The following FBH1 variants were observed in gnomAD, a reference collection of about 807,000 sequenced individuals.
FBH1 encodes the protein F-box DNA helicase 1, also known as DNA 3'-5' helicase 1.
A neutral mutation model predicts 115.5 loss-of-function variants in FBH1; 43 were observed. The observed-to-expected ratio is 0.37, with a 90% confidence interval of 0.29 to 0.48. The LOEUF (loss-of-function observed/expected upper bound fraction) is 0.48, where lower values mean the gene tolerates loss of function less well. Ranked by LOEUF, FBH1 falls within the 20% of genes least tolerant of loss-of-function variation. The pLI, the probability that FBH1 is intolerant of heterozygous loss-of-function variation, is 0.99. For synonymous variants in FBH1, 524 were observed against 507.8 expected, an observed-to-expected ratio of 1.03 and a Z score of -0.43; for missense variants, 1,001 against 1,337.3, an observed-to-expected ratio of 0.75 and a Z score of 3.92.
rs1266530936 is a variant in FBH1 at position 5,931,002 on chromosome 10, A to C, written c.2829+3461A>C. ...GGTCTTGAACTCCTGGGCTTAAGTG[A>C]TCCTCCTACCTCAGCCTCCCAAAGT... On this transcript the variant is annotated intron_variant, in intron 19 of 20. Transcript: ENST00000362091. This position sits in a 1 kb window ranked among gnomAD's most constrained non-coding sequence, Gnocchi z 4.3. Among the ~76,000 whole-genome samples the C allele has an allele frequency of 6.6e-6, 1 of 151,946 alleles. No individual in the cohort carries two copies. The highest frequency in any genetic ancestry group is 1.5e-5 in the Non-Finnish European group (1 of 67,984).
chr10:5,889,966 C>G (rs1454416146), upstream of FBH1: 7 of 193,730 alleles, frequency 3.6e-5, no homozygotes, highest in East Asian at 5.8e-4. Flanking sequence ...CGCTGCTCCG[C>G]GGGGACTCGG....
In FBH1 at chr10:5,900,226, G is replaced by T. The variant is rs1338037375; in HGVS notation, c.2-2794G>T. Among the ~76,000 whole-genome samples, 1 of 152,244 alleles carries T rather than the reference G, an allele frequency of 6.6e-6. No individual in the cohort carries two copies. The highest frequency in any genetic ancestry group is 2.4e-5 in the African/African-American group (1 of 41,458). ...CTCACATAAGCCTTGTTAAATAGAG[G>T]AAACAGGTAAGTTTGTATGCATGCA... is the stretch of plus-strand genomic sequence containing the variant. On this transcript the variant is annotated intron_variant, in intron 1 of 20. Transcript: ENST00000362091. This position sits in a 1 kb window ranked among gnomAD's most constrained non-coding sequence, Gnocchi z 4.2.
At position 5,911,247 on chromosome 10, in the gene FBH1, G is replaced by A; in HGVS notation, c.1211+119G>A. The A allele has an allele frequency of 3.1e-6, 3 of 954,860 alleles. No individual in the cohort carries two copies. Among genetic ancestry groups the A allele is most frequent in the Non-Finnish European group, 4.7e-6 (3 of 645,136 alleles). 59.1% of individuals were successfully genotyped at this position (954,860 alleles called of 1,614,324 possible). A position where few individuals can be genotyped will look rare whatever the true frequency, so the allele number is the denominator to read the frequency against. ...ACCTGGCAGGCTGTGGGACCCACCT[G>A]CTCCACCTCAGTGTCATCTTCTGCA... On this transcript the variant is annotated intron_variant, in intron 6 of 20. Transcript: ENST00000362091. The surrounding 1 kb of genome is among the most constrained non-coding windows in gnomAD (Gnocchi z 5.4).
intron 1 of FBH1, among the ~76,000 whole-genome samples, chr10:5,899,544 C>T (rs1843213216): frequency 6.6e-6 from 1 of 152,188 alleles, no homozygotes; most frequent in Non-Finnish European, 1.5e-5. Flanking sequence ...TACTGACCAG[C>T]TCTGAAGCAA....
In FBH1 at chr10:5,923,680, G is replaced by A. The variant is rs775610951; in HGVS notation, c.2382G>A (p.Glu794=). The change falls in exon 16 of 21, where the codon GAG becomes GAA. Residue 794 remains glutamate (E), a synonymous_variant. Transcript: ENST00000362091. The surrounding 1 kb of genome is among the most constrained non-coding windows in gnomAD (Gnocchi z 5.7). The part of the protein sequence containing the change: ...IIDIWILLQP[E]EERRKQNLVI... The stretch of plus-strand genomic sequence containing the variant: ...ATATTTGGATCCTTCTTCAGCCAGA[G>A]GAAGAACGGAGGAAACGTGAGTACC... The A allele has an allele frequency of 1.9e-6, 3 of 1,614,162 alleles. No individual in the cohort carries two copies. The highest frequency in any genetic ancestry group is 2.5e-6 in the Non-Finnish European group (3 of 1,180,002).
At position 5,911,149 on chromosome 10, in the gene FBH1, G is replaced by A. The variant is rs746496017; in HGVS notation, c.1211+21G>A. 1 of 1,598,072 alleles carries A rather than the reference G, an allele frequency of 6.3e-7. No individual in the cohort carries two copies. The highest frequency in any genetic ancestry group is 1.1e-5 in the South Asian group (1 of 89,660). The stretch of plus-strand genomic sequence containing the variant: ...AATAGGTAATGCCCCGGGAGGAGGG[G>A]AGGGGATGCTGTGATAATGGGAGAG... On this transcript the variant is annotated intron_variant, in intron 6 of 20. Coordinates refer to ENST00000362091, the MANE Select transcript of FBH1 (RefSeq NM_178150.3). The surrounding 1 kb of genome is among the most constrained non-coding windows in gnomAD (Gnocchi z 5.4).
At position 5,927,428 on chromosome 10, in the gene FBH1, T is replaced by C. The variant is rs1385141454; in HGVS notation, c.2723-7T>C. The C allele has an allele frequency of 6.2e-6, 10 of 1,601,598 alleles. No homozygotes were observed. Among genetic ancestry groups the C allele is most frequent in the African/African-American group, 4.0e-5 (3 of 74,294 alleles). ...TAGTTGATTTTTTTCCCCTTTACTT[T>C]GTTTAGAGTCATTTTCTGAGGATGA... On this transcript the variant is annotated splice_region_variant and splice_polypyrimidine_tract_variant and intron_variant, in intron 18 of 20. Transcript: ENST00000362091.
rs1057250951 is a variant in FBH1 at position 5,933,816 on chromosome 10, T to G, written c.2830-2640T>G. Among the ~76,000 whole-genome samples, 13 of 152,204 alleles carry G rather than the reference T, an allele frequency of 8.5e-5. No individual in the cohort carries two copies. Among genetic ancestry groups the G allele is most frequent in the African/African-American group, 3.1e-4 (13 of 41,536 alleles). On this transcript the variant is annotated intron_variant, in intron 19 of 20. Coordinates refer to ENST00000362091, the MANE Select transcript of FBH1 (RefSeq NM_178150.3). This position sits in a 1 kb window ranked among gnomAD's most constrained non-coding sequence, Gnocchi z 4.9. ...CACCACCATACCTGGCTAATTTTTT[T>G]TGGTATTTTTTTTTTGTTAAAGACG...
intron 1 of FBH1, among the ~76,000 whole-genome samples, chr10:5,893,441 A>G (rs1347305019): frequency 2.0e-5 from 3 of 152,218 alleles, no homozygotes; most frequent in Admixed American, 2.0e-4. Flanking sequence ...CTGTGGCTCC[A>G]AATTCCTTTT....
rs1210575211 is a variant in FBH1, at chr10:5,897,635, A to C, written c.2-5385A>C. ...TGGCTGGTAACGCCATTCCAGTTAT[A>C]TAGGTTACTTATCTTAGTGCACAGA... On this transcript the variant is annotated intron_variant, in intron 1 of 20. Coordinates refer to ENST00000362091, the MANE Select transcript of FBH1 (RefSeq NM_178150.3). This position sits in a 1 kb window ranked among gnomAD's most constrained non-coding sequence, Gnocchi z 4.7. Among the ~76,000 whole-genome samples, 8 of 152,214 alleles carry C rather than the reference A, an allele frequency of 5.3e-5. No homozygotes were observed. The highest frequency in any genetic ancestry group is 1.0e-4 in the Non-Finnish European group (7 of 68,042).
Position 5,903,035 on chromosome 10 carries a change from G to A in FBH1, c.17G>A (p.Arg6Gln), listed in dbSNP as rs142553018. 7.5e-5 allele frequency: 121 copies of A among 1,611,712 alleles called. No individual in the cohort carries two copies. The highest frequency in any genetic ancestry group is 5.4e-4 in the Admixed American group (32 of 59,682). The change falls in exon 2 of 21, where the codon CGG (arginine) becomes CAG (glutamine). Residue 6 changes from arginine to glutamine, a missense_variant. Physicochemically the swap from Arg to Gln is conservative, Grantham distance 43 (BLOSUM62 1). Transcript: ENST00000362091. MRRFK[R>Q]KHLTAIDCQH... is the part of the protein sequence containing the mutation. ...TATGAAACAGTGAGACGGTTTAAGC[G>A]GAAGCATCTTACTGCCATTGACTGC...
Position 5,936,638 on chromosome 10 carries a change from G to C in FBH1, c.2961+51G>C, listed in dbSNP as rs577208412. 351 of 1,604,398 alleles carry C rather than the reference G, an allele frequency of 2.2e-4. 3 individuals carry two copies. The South Asian group carries it at 3.5e-3, about 16-fold the overall frequency. On this transcript the variant is annotated intron_variant, in intron 20 of 20. Transcript: ENST00000362091. This position sits in a 1 kb window ranked among gnomAD's most constrained non-coding sequence, Gnocchi z 5.6. ...ATTCAGCCATTTGCATTTTTTGCTT[G>C]TGAGCTCTGTGCTTATCTGGGTTGT...
intron 3 of FBH1, among the ~76,000 whole-genome samples, chr10:5,907,123 C>T (rs950262310): frequency 9.9e-5 from 15 of 151,960 alleles, no homozygotes; most frequent in East Asian, 1.9e-4. Context: ...CCACCACACC[C>T]GGCTAATTTT....
At chr10:5,908,274 A>G (rs116502447) in intron 3 of FBH1, among the ~76,000 whole-genome samples, 1,797 of 152,246 alleles carry the variant, frequency 0.012, 38 homozygotes, top group African/African-American at 0.041. Context: ...CGTCTCTTAT[A>G]ACAGTATTTA....
At chr10:5,903,262 G>A in intron 2 of FBH1, 87 bp downstream of exon 2, 1 of 1,102,014 alleles carries the variant, frequency 9.1e-7, no homozygotes, top group African/African-American at 1.6e-5. Context: ...ATTTGTAAAT[G>A]TTGCTGCTGT....
chr10:5,930,520 G>A (rs1214243054), intron 19 of FBH1, among the ~76,000 whole-genome samples: 2 of 152,188 alleles, frequency 1.3e-5, no homozygotes, highest in Non-Finnish European at 2.9e-5. Context: ...GGCTTGATTC[G>A]ATTCAAGCCT....
In FBH1 at chr10:5,906,567, G is replaced by A. The variant is rs937906290; in HGVS notation, c.688G>A (p.Glu230Lys). 1 of 1,613,900 alleles carries A rather than the reference G, an allele frequency of 6.2e-7. No homozygotes were observed. The highest frequency in any genetic ancestry group is 1.7e-5 in the Admixed American group (1 of 60,022). Reference sequence around the variant, plus strand: ...GCACGTGTTTGCCTTCCTCCCGGTGGAAGACCTCTATTGGAACCTGAGCTT... The same window carrying A: ...GCACGTGTTTGCCTTCCTCCCGGTGAAAGACCTCTATTGGAACCTGAGCTT... ...LRHVFAFLPV[E>K]DLYWNLSLVC... Residue 230 changes from glutamate (E) to lysine (K), a missense_variant, in exon 3 of 21, where the codon GAA becomes AAA. Around this residue, in one of 4 missense-constraint regions of FBH1, gnomAD observed 420 missense variants for 430.4 expected, o/e 0.98. Transcript: ENST00000362091. This position sits in a 1 kb window ranked among gnomAD's most constrained non-coding sequence, Gnocchi z 7.3.
intron 1 of FBH1, among the ~76,000 whole-genome samples, chr10:5,901,096 C>CA (rs1843317132): frequency 6.8e-6 from 1 of 148,132 alleles, no homozygotes; most frequent in Non-Finnish European, 1.5e-5. Flanking sequence ...GACTCTGTCT[C>CA]AAAAAAAGAA....
At chr10:5,899,664 T>C (rs1462318486) in intron 1 of FBH1, among the ~76,000 whole-genome samples, 3 of 152,160 alleles carry the variant, frequency 2.0e-5, no homozygotes, top group East Asian at 3.8e-4. Flanking sequence ...CTGTTGAGCA[T>C]TGTGTGGGGC....
Sources: gnomAD v4.1 joint callset for allele counts (sites outside exome capture counted in the v4.1 genomes callset) on GRCh38, gnomAD v4.1.1 for gene constraint, gnomAD v4.1.1 regional missense constraint, Gnocchi (gnomAD v3.1) non-coding constraint, MANE v1.5 for transcripts, NCBI Gene and HGNC (gene_info 2026-07-23, HGNC 2026-07-21) for gene names.